Variants in RUNX1 observed in about 807,000 individuals in gnomAD.
RUNX1 encodes the protein RUNX family transcription factor 1.
In RUNX1, 19 loss-of-function variants were observed where a neutral mutation model predicts 42.8. The ratio of observed to expected loss-of-function variants is 0.44; its 90% confidence interval spans 0.31 to 0.65. The LOEUF is 0.65. Among genes scored for constraint, RUNX1 ranks in the 30% least tolerant of loss-of-function variants. The pLI, the probability that RUNX1 is intolerant of heterozygous loss-of-function variation, is 0.07. For missense variants in RUNX1, 528 were observed against 672.0 expected (o/e 0.79, Z 2.37); for synonymous variants, 271 against 289.4 (o/e 0.94, Z 0.64).
intron 2 of RUNX1, among the ~76,000 whole-genome samples, chr21:35,015,635 T>C (rs2059153990): frequency 6.6e-6 from 1 of 152,188 alleles, no homozygotes; most frequent in Non-Finnish European, 1.5e-5. Flanking sequence ...CGAAAGTCAA[T>C]GGCCTACTAG....
intron 6 of RUNX1, among the ~76,000 whole-genome samples, chr21:34,849,082 T>G (rs1007086071): frequency 3.3e-5 from 5 of 150,180 alleles, no homozygotes; most frequent in Admixed American, 6.7e-5. Context: ...AATAGCAGTC[T>G]GGGTTTTTGT....
At chr21:34,803,842 T>C (rs886190997) in intron 7 of RUNX1, among the ~76,000 whole-genome samples, 4 of 152,164 alleles carry the variant, frequency 2.6e-5, no homozygotes, top group Admixed American at 2.6e-4. Context: ...GAAAGGAGAA[T>C]GCTTTTATCT....
intron 3 of RUNX1, 158 bp from the exon 4 acceptor site, chr21:34,887,254 G>A: frequency 1.5e-6 from 2 of 1,328,686 alleles, no homozygotes; most frequent in South Asian, 3.0e-5. Flanking sequence ...GGGGGGGGCG[G>A]GGGTGGTTAG....
intron 3 of RUNX1, among the ~76,000 whole-genome samples, chr21:34,892,646 G>C (rs1157720680): frequency 6.6e-6 from 1 of 152,200 alleles, no homozygotes; most frequent in African/African-American, 2.4e-5. Context: ...TTTGTTTTTA[G>C]AGAGTTGTAT....
intron 6 of RUNX1, among the ~76,000 whole-genome samples, chr21:34,852,107 G>A (rs996407691): frequency 3.3e-5 from 5 of 152,212 alleles, no homozygotes; most frequent in Admixed American, 2.0e-4. Context: ...GGTGGAGGTT[G>A]CAGTGAGCTG....
At chr21:35,015,357 G>A (rs1410414444) in intron 2 of RUNX1, among the ~76,000 whole-genome samples, 1 of 152,132 alleles carries the variant, frequency 6.6e-6, no homozygotes, top group Admixed American at 6.5e-5. Context: ...AGGATATTTA[G>A]GTGTTAGCTT....
At chr21:34,890,084 C>T (rs1234794435) in intron 3 of RUNX1, among the ~76,000 whole-genome samples, 1 of 152,122 alleles carries the variant, frequency 6.6e-6, no homozygotes, top group Non-Finnish European at 1.5e-5. Flanking sequence ...CAGGGACTGT[C>T]CCCGGGCGTT....
intron 7 of RUNX1, 29 bp from the exon 8 acceptor site, chr21:34,799,491 T>C (rs1188102846): frequency 4.4e-6 from 7 of 1,604,104 alleles, no homozygotes; most frequent in Non-Finnish European, 6.0e-6. Context: ...GTCAATTATA[T>C]GTAAAGTGGG....
chr21:35,011,349 C>A (rs1438280952), intron 2 of RUNX1, among the ~76,000 whole-genome samples: 3 of 152,154 alleles, frequency 2.0e-5, no homozygotes, highest in African/African-American at 7.2e-5. Context: ...GACTCCTTCT[C>A]AAGCCCCAGC....
At chr21:34,796,961 A>G (rs2056537759) in intron 8 of RUNX1, among the ~76,000 whole-genome samples, 1 of 152,252 alleles carries the variant, frequency 6.6e-6, no homozygotes, top group South Asian at 2.1e-4. Flanking sequence ...GGGGCAGAGC[A>G]CAAAGCTGTC....
At chr21:34,854,754 ACGGGCTG>A (rs151179438) in intron 6 of RUNX1, among the ~76,000 whole-genome samples, 3,905 of 152,206 alleles carry the variant, frequency 0.026, 66 homozygotes, top group African/African-American at 0.048. Context: ...GTCCTCAAGG[ACGGGCTG>A]CCCAGAGAGC....
At chr21:34,828,993 T>C (rs2146041209) in intron 7 of RUNX1, among the ~76,000 whole-genome samples, 1 of 152,368 alleles carries the variant, frequency 6.6e-6, no homozygotes, top group East Asian at 1.9e-4. Flanking sequence ...GGCTCTAATG[T>C]CCACTGCTTT....
chr21:34,900,121 A>G (rs1555901817), intron 2 of RUNX1, among the ~76,000 whole-genome samples: 1 of 152,264 alleles, frequency 6.6e-6, no homozygotes, highest in Non-Finnish European at 1.5e-5. Context: ...ATAAATTTTA[A>G]TATGTTTTAT....
intron 2 of RUNX1, among the ~76,000 whole-genome samples, chr21:34,914,324 G>T (rs2058295242): frequency 1.3e-5 from 2 of 152,172 alleles, no homozygotes; most frequent in African/African-American, 2.4e-5. Flanking sequence ...TAGTTAAGTG[G>T]CTTGCCCTGG....
intron 2 of RUNX1, among the ~76,000 whole-genome samples, chr21:34,944,025 TA>T (rs1325293026): frequency 6.6e-6 from 1 of 152,192 alleles, no homozygotes; most frequent in African/African-American, 2.4e-5. Flanking sequence ...TTTTACTTTT[TA>T]AAGATGAGGT....
chr21:34,895,111 A>T (rs2058119682), intron 2 of RUNX1, among the ~76,000 whole-genome samples: 1 of 152,112 alleles, frequency 6.6e-6, no homozygotes, highest in South Asian at 2.1e-4. Context: ...CACCATGCAA[A>T]CCTCATATCA....
intron 2 of RUNX1, among the ~76,000 whole-genome samples, chr21:34,914,534 C>T (rs2058297021): frequency 6.6e-6 from 1 of 152,164 alleles, no homozygotes; most frequent in South Asian, 2.1e-4. Flanking sequence ...TTCTTCCCCA[C>T]TTCTGGGAGC....
At chr21:34,969,995 T>C (rs1204956307) in intron 2 of RUNX1, among the ~76,000 whole-genome samples, 1 of 152,192 alleles carries the variant, frequency 6.6e-6, no homozygotes, top group African/African-American at 2.4e-5. Context: ...CCTCCATAGA[T>C]GTGAAGGGCT....
At chr21:35,046,764 A>G (rs756154754) in intron 2 of RUNX1, among the ~76,000 whole-genome samples, 1 of 152,184 alleles carries the variant, frequency 6.6e-6, no homozygotes, top group Non-Finnish European at 1.5e-5. Context: ...GCCCTCTGAC[A>G]TCAAATCTCA....
Sources: allele counts gnomAD v4.1 joint callset (sites outside exome capture counted in the v4.1 genomes callset), GRCh38; gene constraint gnomAD v4.1.1; transcripts MANE v1.5; gene names NCBI Gene and HGNC (gene_info 2026-07-23, HGNC 2026-07-21).